The following ARL6IP5 variants were observed in gnomAD, a reference collection of about 807,000 sequenced individuals.
ARL6IP5 encodes the protein ARF like GTPase 6 interacting protein 5.
ARL6IP5 carries 6 observed loss-of-function variants against 13.0 expected under a neutral mutation model. The observed-to-expected ratio is 0.46, with a 90% CI of 0.25 to 0.91. The LOEUF is 0.91. Among genes scored for constraint, ARL6IP5 ranks in the 40% least tolerant of loss-of-function variants. The pLI, the probability that ARL6IP5 is intolerant of heterozygous loss-of-function variation, is 0.17. For synonymous variants in ARL6IP5, 91 were observed against 91.9 expected (o/e 0.99, Z 0.06); for missense variants, 208 against 248.8 (o/e 0.84, Z 1.10).
intron 1 of ARL6IP5, among the ~76,000 whole-genome samples, chr3:69,091,120 C>T (rs576145455): frequency 3.9e-5 from 6 of 152,064 alleles, no homozygotes; most frequent in African/African-American, 1.2e-4. Flanking sequence ...ATCTTTTGAG[C>T]GTGGGAGGCG....
rs373944686 is a variant in ARL6IP5, at chr3:69,104,970, GAA to G, written c.*343_*344del. On this transcript the variant is annotated 3_prime_UTR_variant, in exon 3 of 3. Transcript: ENST00000273258. ...CAGCAACAATACGATTATCTTATAG[GAA>G]AAAAAAAATCATTGTAAAGTATCAA... 2 of 617,700 alleles carry G rather than the reference GAA, an allele frequency of 3.2e-6. No homozygotes were observed. The highest frequency in any genetic ancestry group is 1.8e-5 in the South Asian group (1 of 55,138). The allele number at this position is 617,700 out of a possible 1,614,324, so 38.3% of individuals were successfully genotyped here.
intron 1 of ARL6IP5, among the ~76,000 whole-genome samples, chr3:69,091,368 A>T (rs560507516): frequency 6.6e-6 from 1 of 152,144 alleles, no homozygotes; most frequent in Admixed American, 6.5e-5. Flanking sequence ...GTCATGGCTC[A>T]CTACAGCCTC....
intron 1 of ARL6IP5, among the ~76,000 whole-genome samples, chr3:69,099,768 G>T (rs563772962): frequency 6.6e-6 from 1 of 152,050 alleles, no homozygotes; most frequent in Non-Finnish European, 1.5e-5. Flanking sequence ...ACACACTATC[G>T]TCTGTGTCCT....
intron 1 of ARL6IP5, among the ~76,000 whole-genome samples, chr3:69,093,846 T>A (rs750854419): frequency 6.6e-6 from 1 of 152,064 alleles, no homozygotes; most frequent in Non-Finnish European, 1.5e-5. Context: ...TAGTTTCAGC[T>A]ACTCAGAAGG....
intron 1 of ARL6IP5, among the ~76,000 whole-genome samples, chr3:69,100,392 T>C (rs79024133): frequency 0.011 from 1,640 of 152,298 alleles, 24 homozygotes; most frequent in African/African-American, 0.037. Flanking sequence ...AAAACACTTA[T>C]AATGAACTCT....
chr3:69,102,052 G>A lies in ARL6IP5; in HGVS notation c.390G>A (p.Leu130=). ...MVFVFGITFP[L]LLMFIHASLR... ...TTGTGTTTGGCATTACTTTTCCTTT[G>A]CTGTGTAAGTGAACTTGAGTTTTTT... Residue 130 remains leucine (L), a synonymous_variant, in exon 2 of 3, where the codon TTG becomes TTA. Transcript: ENST00000273258. 6.2e-7 allele frequency: 1 copy of A among 1,613,910 alleles called. No homozygotes were observed. Among genetic ancestry groups the A allele is most frequent in the Non-Finnish European group, 8.5e-7 (1 of 1,179,852 alleles).
In ARL6IP5 at chr3:69,106,008, G is replaced by A. The variant is rs576640514; in HGVS notation, c.*1372G>A. 1 of 152,278 alleles carries A rather than the reference G, an allele frequency of 6.6e-6. No homozygotes were observed. The highest frequency in any genetic ancestry group is 6.5e-5 in the Admixed American group (1 of 15,288). 9.4% of individuals were successfully genotyped at this position (152,278 alleles called of 1,614,324 possible). ...ACAGTGATATCACCATGACTTCACA[G>A]ACATGGTCTAGAATCTGTACCCTTA... On this transcript the variant is annotated 3_prime_UTR_variant, in exon 3 of 3. Coordinates refer to ENST00000273258, the MANE Select transcript of ARL6IP5 (RefSeq NM_006407.4).
At chr3:69,092,834 T>A (rs986071822) in intron 1 of ARL6IP5, among the ~76,000 whole-genome samples, 1 of 151,736 alleles carries the variant, frequency 6.6e-6, no homozygotes, top group Non-Finnish European at 1.5e-5. Flanking sequence ...TTTTTTTTTT[T>A]TAATTTTCTA....
At chr3:69,098,364 C>T (rs956343229) in intron 1 of ARL6IP5, among the ~76,000 whole-genome samples, 1 of 151,812 alleles carries the variant, frequency 6.6e-6, no homozygotes, top group Non-Finnish European at 1.5e-5. Context: ...CCTGCCTCAG[C>T]CTCCGAGTAG....
intron 1 of ARL6IP5, among the ~76,000 whole-genome samples, chr3:69,091,218 A>G (rs2092264901): frequency 1.3e-5 from 2 of 152,204 alleles, no homozygotes; most frequent in Admixed American, 6.5e-5. Context: ...ATAAGTAAAT[A>G]TAAATCTTTA....
chr3:69,097,699 A>G (rs2092291342), intron 1 of ARL6IP5, among the ~76,000 whole-genome samples: 1 of 152,184 alleles, frequency 6.6e-6, no homozygotes, highest in African/African-American at 2.4e-5. Flanking sequence ...AAACAGAAAG[A>G]AAGTGCAGAG....
rs2092316874 is a variant in ARL6IP5, at chr3:69,104,670, A to G, written c.*34A>G. 1 of 1,604,342 alleles carries G rather than the reference A, an allele frequency of 6.2e-7. No individual in the cohort carries two copies. Among genetic ancestry groups the G allele is most frequent in the South Asian group, 1.1e-5 (1 of 90,260 alleles). ...TACCTGAGCTAGGGTTGCAGCAGAAATTGAGTTGCAGCTTGCCCTTGTCCA... is the reference window on the plus strand; with the variant it reads ...TACCTGAGCTAGGGTTGCAGCAGAAGTTGAGTTGCAGCTTGCCCTTGTCCA... On this transcript the variant is annotated 3_prime_UTR_variant, in exon 3 of 3. Transcript: ENST00000273258.
chr3:69,091,336 CA>C (rs1389136041), intron 1 of ARL6IP5, among the ~76,000 whole-genome samples: 1 of 152,038 alleles, frequency 6.6e-6, no homozygotes, highest in Non-Finnish European at 1.5e-5. Context: ...CTCTATTGCC[CA>C]GGCTGGAGTA....
rs749960979 is a variant in ARL6IP5, at chr3:69,101,972, G to T, written c.310G>T (p.Val104Leu). 5.0e-6 allele frequency: 8 copies of T among 1,614,116 alleles called. No homozygotes were observed. Among genetic ancestry groups the T allele is most frequent in the Non-Finnish European group, 5.9e-6 (7 of 1,180,018 alleles). The change falls in exon 2 of 3, where the codon GTG (valine) becomes TTG (leucine). Residue 104 changes from valine to leucine, a missense_variant. Transcript: ENST00000273258. ...GCGCTACCCCACGACGTTCGTTATG[G>T]TGGTCATGTTGGCGAGCTATTTCCT... ...KKRYPTTFVM[V>L]VMLASYFLIS...
In ARL6IP5 at chr3:69,105,931, G is replaced by C. The variant is rs2092320862; in HGVS notation, c.*1295G>C. ...TAAGAAGCAATGATGTGCTGCTTCT[G>C]ATTTTTCTTGCATTTTAAATTCTCA... On this transcript the variant is annotated 3_prime_UTR_variant, in exon 3 of 3. Transcript: ENST00000273258. 1 of 152,138 alleles carries C rather than the reference G, an allele frequency of 6.6e-6. No homozygotes were observed. The highest frequency in any genetic ancestry group is 2.4e-5 in the African/African-American group (1 of 41,440). 9.4% of individuals were successfully genotyped at this position (152,138 alleles called of 1,614,324 possible).
chr3:69,087,346 G>C (rs114256662), intron 1 of ARL6IP5, among the ~76,000 whole-genome samples: 168 of 152,280 alleles, frequency 1.1e-3, no homozygotes, highest in African/African-American at 3.9e-3. Flanking sequence ...TAGTAAATAG[G>C]TTTGCATCAA....
rs372636665 is a variant in ARL6IP5 at position 69,085,093 on chromosome 3, C to T, written c.46C>T (p.Pro16Ser). 5 of 1,614,068 alleles carry T rather than the reference C, an allele frequency of 3.1e-6. No homozygotes were observed. In the Admixed American group the frequency reaches 5.0e-5, roughly 16 times the overall value. ...APLRAWDDFFPGSDRFARPDF... is the reference protein window; with the variant it reads ...APLRAWDDFFSGSDRFARPDF... The stretch of plus-strand genomic sequence containing the variant: ...ACTCCGCGCCTGGGACGATTTCTTC[C>T]CGGGTTCCGATCGCTTTGCCCGGCC... The change falls in exon 1 of 3, where the codon CCG (proline) becomes TCG (serine). Residue 16 changes from proline to serine, a missense_variant. Coordinates refer to ENST00000273258, the MANE Select transcript of ARL6IP5 (RefSeq NM_006407.4).
chr3:69,097,491 T>C (rs527392409), intron 1 of ARL6IP5, among the ~76,000 whole-genome samples: 6 of 152,104 alleles, frequency 3.9e-5, no homozygotes, highest in Non-Finnish European at 7.4e-5. Context: ...TCTTTTGTGA[T>C]GCTGGGAATT....
chr3:69,099,656 C>G (rs1399046624), intron 1 of ARL6IP5, among the ~76,000 whole-genome samples: 2 of 152,214 alleles, frequency 1.3e-5, no homozygotes, highest in South Asian at 2.1e-4. Flanking sequence ...TTCATCTCTT[C>G]CATTTCAGAG....
Sources: gnomAD v4.1 joint callset for allele counts (sites outside exome capture counted in the v4.1 genomes callset) on GRCh38, gnomAD v4.1.1 for gene constraint, MANE v1.5 for transcripts, NCBI Gene and HGNC (gene_info 2026-07-23, HGNC 2026-07-21) for gene names.